PARD6B: variants seen among roughly 807,000 people sequenced by gnomAD.
PARD6B encodes partitioning defective 6 homolog beta.
PARD6B carries 4 observed loss-of-function variants against 10.5 expected under a neutral mutation model. The observed-to-expected ratio is 0.38, with a 90% CI of 0.19 to 0.87. The LOEUF (loss-of-function observed/expected upper bound fraction) is 0.87. Ranked by LOEUF, PARD6B falls within the 40% of genes least tolerant of loss-of-function variation. The probability of loss-of-function intolerance (pLI) is 0.41; values close to 1 mark genes in which losing one functional copy is unlikely to be tolerated. For missense variants in PARD6B, 396 were observed against 470.6 expected (o/e 0.84, Z 1.47); for synonymous variants, 169 against 170.4 (o/e 0.99, Z 0.07).
Position 50,751,409 on chromosome 20 carries a change from G to A in PARD6B, c.*921G>A. 2.5e-6 allele frequency: 2 copies of A among 804,542 alleles called. No individual in the cohort carries two copies. Among genetic ancestry groups the A allele is most frequent in the South Asian group, 5.8e-5 (1 of 17,270 alleles). The allele number at this position is 804,542 out of a possible 1,614,324, so 49.8% of individuals were successfully genotyped here. ...CTCGCTCTATCGCCCAGGCTGGAGT[G>A]CAGTGGCGCGATCTTGGCTCACTGC... On this transcript the variant is annotated 3_prime_UTR_variant, in exon 3 of 3. Transcript: ENST00000371610.
intron 2 of PARD6B, among the ~76,000 whole-genome samples, chr20:50,747,489 CTTTTTTTTT>C (rs58629233): frequency 1.2e-4 from 4 of 33,354 alleles, no homozygotes; most frequent in Non-Finnish European, 1.5e-4. Flanking sequence ...TTCTTTCTTT[CTTTTTTTTT>C]TTTTTTTTTT....
At position 50,751,094 on chromosome 20, in the gene PARD6B, T is replaced by C; in HGVS notation, c.*606T>C. The C allele has an allele frequency of 2.1e-6, 1 of 483,950 alleles. No individual in the cohort carries two copies. The highest frequency in any genetic ancestry group is 2.7e-6 in the Non-Finnish European group (1 of 373,936). The allele number at this position is 483,950 out of a possible 1,614,324, so 30.0% of individuals were successfully genotyped here. ...AAGCAGTCCTCCCACCTCAGCCTCCTGAGTAGCTGGGACCATAGGCACATA... is the reference window on the plus strand; with the variant it reads ...AAGCAGTCCTCCCACCTCAGCCTCCCGAGTAGCTGGGACCATAGGCACATA... On this transcript the variant is annotated 3_prime_UTR_variant, in exon 3 of 3. Transcript: ENST00000371610.
intron 2 of PARD6B, among the ~76,000 whole-genome samples, chr20:50,740,766 A>G (rs1337753814): frequency 6.6e-6 from 1 of 152,200 alleles, no homozygotes; most frequent in Admixed American, 6.5e-5. Flanking sequence ...TAATACAAAT[A>G]TGACTTTAGC....
In PARD6B at chr20:50,752,732, A is replaced by G. The variant is rs1429999195; in HGVS notation, c.*2244A>G. The G allele has an allele frequency of 1.0e-6, 1 of 981,470 alleles. No homozygotes were observed. Among genetic ancestry groups the G allele is most frequent in the Non-Finnish European group, 1.2e-6 (1 of 825,948 alleles). The allele number at this position is 981,470 out of a possible 1,614,324, so 60.8% of individuals were successfully genotyped here. On this transcript the variant is annotated 3_prime_UTR_variant, in exon 3 of 3. Coordinates refer to ENST00000371610, the MANE Select transcript of PARD6B (RefSeq NM_032521.3). ...CTCCGCTTTGAAGGATGTTTTCTCT[A>G]TATGGTAAAATATATATGAAGAAGT...
rs778078638 is a variant in PARD6B at position 50,750,886 on chromosome 20, G to A, written c.*398G>A. ...TTTTTAAAATTCTAATGTGAAGTCT[G>A]ATTCTCTCTTGTGGTACATTGGGGA... On this transcript the variant is annotated 3_prime_UTR_variant, in exon 3 of 3. Transcript: ENST00000371610. 43 of 986,470 alleles carry A rather than the reference G, an allele frequency of 4.4e-5. No individual in the cohort carries two copies. Among genetic ancestry groups the A allele is most frequent in the Non-Finnish European group, 5.1e-5 (42 of 831,272 alleles). 61.1% of individuals were successfully genotyped at this position (986,470 alleles called of 1,614,324 possible).
rs192202037 is a variant in PARD6B, at chr20:50,753,181, G to T, written c.*2693G>T. Reference sequence around the variant, plus strand: ...TGTAAAATACAGATTTATCTTGTACGCATTCATGGAAATGGAAATCAAAGC... The same window carrying T: ...TGTAAAATACAGATTTATCTTGTACTCATTCATGGAAATGGAAATCAAAGC... On this transcript the variant is annotated 3_prime_UTR_variant, in exon 3 of 3. Coordinates refer to ENST00000371610, the MANE Select transcript of PARD6B (RefSeq NM_032521.3). The T allele has an allele frequency of 1.0e-6, 1 of 984,526 alleles. No individual in the cohort carries two copies. Among genetic ancestry groups the T allele is most frequent in the Non-Finnish European group, 1.2e-6 (1 of 829,204 alleles). The allele number at this position is 984,526 out of a possible 1,614,324, so 61.0% of individuals were successfully genotyped here. A position where few individuals can be genotyped will look rare whatever the true frequency, so the allele number is the denominator to read the frequency against.
At chr20:50,747,070 G>T (rs2087571179) in intron 2 of PARD6B, among the ~76,000 whole-genome samples, 1 of 152,066 alleles carries the variant, frequency 6.6e-6, no homozygotes, top group African/African-American at 2.4e-5. Context: ...AAAAAAATAA[G>T]ATACCCGTAA....
At position 50,751,780 on chromosome 20, in the gene PARD6B, G is replaced by A; in HGVS notation, c.*1292G>A. 1 of 962,142 alleles carries A rather than the reference G, an allele frequency of 1.0e-6. No homozygotes were observed. 59.6% of individuals were successfully genotyped at this position (962,142 alleles called of 1,614,324 possible). The stretch of plus-strand genomic sequence containing the variant: ...GTCACCCAGGCTGGAGTGCAGTGGT[G>A]CAATCTCAGCTCCCGGGTTCAAGCA... On this transcript the variant is annotated 3_prime_UTR_variant, in exon 3 of 3. Coordinates refer to ENST00000371610, the MANE Select transcript of PARD6B (RefSeq NM_032521.3).
rs1486039405 is a variant in PARD6B at position 50,751,867 on chromosome 20, TA to T, written c.*1380del. 3 of 862,188 alleles carry T rather than the reference TA, an allele frequency of 3.5e-6. No individual in the cohort carries two copies. The African/African-American group carries it at 5.5e-5, about 16-fold the overall frequency. The allele number at this position is 862,188 out of a possible 1,614,324, so 53.4% of individuals were successfully genotyped here. Reference sequence around the variant, plus strand: ...CAGGTGTGCGCCAACACGTCTGGCTTATTTTTTTGTATTTTTAGTAGAGATG... The same window carrying T: ...CAGGTGTGCGCCAACACGTCTGGCTTTTTTTTTGTATTTTTAGTAGAGATG... On this transcript the variant is annotated 3_prime_UTR_variant, in exon 3 of 3. Transcript: ENST00000371610.
chr20:50,743,260 C>T (rs978475892), intron 2 of PARD6B, among the ~76,000 whole-genome samples: 1 of 152,204 alleles, frequency 6.6e-6, no homozygotes, highest in African/African-American at 2.4e-5. Context: ...CAGATCTAGT[C>T]AGAATCTCTA....
chr20:50,738,994 G>A (rs1221491024), intron 2 of PARD6B, among the ~76,000 whole-genome samples: 1 of 151,064 alleles, frequency 6.6e-6, no homozygotes, highest in Admixed American at 6.7e-5. Flanking sequence ...GTGTATGTAT[G>A]TGTGTCTGCA....
chr20:50,747,418 T>G (rs199571818), intron 2 of PARD6B, among the ~76,000 whole-genome samples: 1 of 110,022 alleles, frequency 9.1e-6, no homozygotes, highest in African/African-American at 3.5e-5. Flanking sequence ...TCAACTATTT[T>G]GTGGAGGAGG....
At chr20:50,747,400 T>C (rs911732403) in intron 2 of PARD6B, among the ~76,000 whole-genome samples, 21 of 109,960 alleles carry the variant, frequency 1.9e-4, no homozygotes, top group African/African-American at 7.7e-4. Context: ...CAGCTGAGAC[T>C]AGGATTTTCA....
At position 50,751,892 on chromosome 20, in the gene PARD6B, T is replaced by G. The variant is rs933586534; in HGVS notation, c.*1404T>G. ...TATTTTTTTGTATTTTTAGTAGAGA[T>G]GGAGTTTCACCATGTTGGTCAGGTG... On this transcript the variant is annotated 3_prime_UTR_variant, in exon 3 of 3. Transcript: ENST00000371610. 3 of 866,794 alleles carry G rather than the reference T, an allele frequency of 3.5e-6. No homozygotes were observed. The African/African-American group carries it at 5.5e-5, about 16-fold the overall frequency. 53.7% of individuals were successfully genotyped at this position (866,794 alleles called of 1,614,324 possible). A position where few individuals can be genotyped will look rare whatever the true frequency, so the allele number is the denominator to read the frequency against.
chr20:50,743,031 G>A (rs745809293), intron 2 of PARD6B, among the ~76,000 whole-genome samples: 51 of 152,142 alleles, frequency 3.4e-4, no homozygotes, highest in Non-Finnish European at 5.7e-4. Flanking sequence ...GGAAGAGAAG[G>A]TACAGAATAG....
chr20:50,742,577 G>C (rs1228345588), intron 2 of PARD6B, among the ~76,000 whole-genome samples: 1 of 150,398 alleles, frequency 6.6e-6, no homozygotes, highest in Non-Finnish European at 1.5e-5. Flanking sequence ...CGTTAGCCAG[G>C]CTGGTCTCAA....
At position 50,751,888 on chromosome 20, in the gene PARD6B, G is replaced by A; in HGVS notation, c.*1400G>A. 1.2e-6 allele frequency: 1 copy of A among 864,412 alleles called. No individual in the cohort carries two copies. Among genetic ancestry groups the A allele is most frequent in the Non-Finnish European group, 1.4e-6 (1 of 720,322 alleles). The allele number at this position is 864,412 out of a possible 1,614,324, so 53.5% of individuals were successfully genotyped here. A position where few individuals can be genotyped will look rare whatever the true frequency, so the allele number is the denominator to read the frequency against. On this transcript the variant is annotated 3_prime_UTR_variant, in exon 3 of 3. Transcript: ENST00000371610. Reference sequence around the variant, plus strand: ...GGCTTATTTTTTTGTATTTTTAGTAGAGATGGAGTTTCACCATGTTGGTCA... The same window carrying A: ...GGCTTATTTTTTTGTATTTTTAGTAAAGATGGAGTTTCACCATGTTGGTCA...
chr20:50,751,795 G>A lies in PARD6B; in HGVS notation c.*1307G>A, dbSNP rs893205959. On this transcript the variant is annotated 3_prime_UTR_variant, in exon 3 of 3. Transcript: ENST00000371610. ...GTGCAGTGGTGCAATCTCAGCTCCC[G>A]GGTTCAAGCAATTCTCCTGCCTCAG... 25 of 950,222 alleles carry A rather than the reference G, an allele frequency of 2.6e-5. No individual in the cohort carries two copies. Among genetic ancestry groups the A allele is most frequent in the Non-Finnish European group, 2.9e-5 (23 of 803,172 alleles). 58.9% of individuals were successfully genotyped at this position (950,222 alleles called of 1,614,324 possible). A position where few individuals can be genotyped will look rare whatever the true frequency, so the allele number is the denominator to read the frequency against.
At chr20:50,741,073 G>A (rs1018445102) in intron 2 of PARD6B, among the ~76,000 whole-genome samples, 1 of 150,844 alleles carries the variant, frequency 6.6e-6, no homozygotes, top group African/African-American at 2.4e-5. Context: ...TGATTGTCCT[G>A]CCTCAGCCTC....
Sources: allele counts gnomAD v4.1 joint callset (sites outside exome capture counted in the v4.1 genomes callset), GRCh38; gene constraint gnomAD v4.1.1; transcripts MANE v1.5; gene names NCBI Gene and HGNC (gene_info 2026-07-23, HGNC 2026-07-21).